PFKM: variants seen among roughly 807,000 people sequenced by gnomAD.
The protein encoded by PFKM is phosphofructokinase, muscle.
A neutral mutation model predicts 95.5 loss-of-function variants in PFKM; 58 were observed. That is an observed-to-expected ratio of 0.61 (90% CI 0.49 to 0.76). PFKM has a LOEUF of 0.76. Ranked by LOEUF, PFKM falls within the 30% of genes least tolerant of loss-of-function variation. The probability of loss-of-function intolerance (pLI) is 0.00; values close to 1 mark genes in which losing one functional copy is unlikely to be tolerated. For synonymous variants in PFKM, 336 were observed against 357.2 expected (o/e 0.94, Z 0.67); for missense variants, 678 against 1,005.4 (o/e 0.67, Z 4.40).
At chr12:48,118,538 A>G (rs1207315579), upstream of PFKM, 2 of 1,525,510 alleles carry the variant, frequency 1.3e-6, no homozygotes, top group Non-Finnish European at 1.8e-6. Flanking sequence ...GGTAAAAGCA[A>G]GAGGAGACCC....
chr12:48,106,092 C>G (rs1417517091), exon 1 of PFKM: 2 of 702,636 alleles, frequency 2.8e-6, no homozygotes, highest in Non-Finnish European at 5.2e-6. Flanking sequence ...AACCCGGGAA[C>G]CGCCGCGAAC....
chr12:48,139,982 C>T, intron 13 of PFKM, 70 bp downstream of exon 13: 1 of 1,003,904 alleles, frequency 1.0e-6, no homozygotes, highest in Non-Finnish European at 1.6e-6. Context: ...ATAAATGCTA[C>T]CACAGTCCAT....
chr12:48,134,389 C>A, intron 7 of PFKM, 113 bp downstream of exon 7: 2 of 911,046 alleles, frequency 2.2e-6, no homozygotes, highest in Non-Finnish European at 1.8e-6. Context: ...GGTGCACATG[C>A]TCCTTGTGGT....
rs761389175 is a variant in PFKM at position 48,141,751 on chromosome 12, A to G, written c.1424A>G (p.Lys475Arg). Residue 475 changes from lysine to arginine, a missense_variant, in exon 16 of 23, where the codon AAG (lysine) becomes AGG (arginine). Lys to Arg is a conservative substitution (Grantham distance 26). Coordinates refer to ENST00000359794, the MANE Select transcript of PFKM (RefSeq NM_000289.6). ...CACTGATCAACTAGGACTCTACCCA[A>G]GAAGAGCTTTGAACAGATCAGTGCC... The part of the protein sequence containing the change: ...SKLGTKRTLP[K>R]KSFEQISANI... 6.2e-7 allele frequency: 1 copy of G among 1,611,600 alleles called. No homozygotes were observed. The highest frequency in any genetic ancestry group is 1.1e-5 in the South Asian group (1 of 91,026).
chr12:48,134,680 G>A, intron 7 of PFKM, 41 bp from the exon 8 acceptor site: 1 of 1,352,426 alleles, frequency 7.4e-7, no homozygotes, highest in African/African-American at 1.4e-5. Context: ...GCTATTTGTA[G>A]AGTACAACTT....
At chr12:48,133,794 G>A (rs1222434982) in intron 6 of PFKM, among the ~76,000 whole-genome samples, 2 of 152,140 alleles carry the variant, frequency 1.3e-5, no homozygotes, top group Admixed American at 6.5e-5. Context: ...CATGAGCTAC[G>A]CTTTCCAACC....
At chr12:48,106,335 C>T in intron 1 of PFKM, 1 of 558,776 alleles carries the variant, frequency 1.8e-6, no homozygotes, top group Non-Finnish European at 3.2e-6. Context: ...TCGTCCTATG[C>T]TTTTCTCTGT....
intron 3 of PFKM, chr12:48,108,202 A>G (rs1946872385): frequency 1.3e-6 from 2 of 1,597,224 alleles, no homozygotes; most frequent in Non-Finnish European, 1.7e-6. Context: ...CTGGTGAGGC[A>G]TGTGGGTCAA....
chr12:48,108,552 T>C (rs1408112349), intron 3 of PFKM, among the ~76,000 whole-genome samples: 2 of 152,226 alleles, frequency 1.3e-5, no homozygotes, highest in Non-Finnish European at 2.9e-5. Context: ...TATATAAATA[T>C]GTGAAACTTA....
chr12:48,106,145 A>T, intron 1 of PFKM: 5 of 702,348 alleles, frequency 7.1e-6, no homozygotes, highest in South Asian at 1.5e-5. Flanking sequence ...TAGGTGGCTG[A>T]AGAGGAGGGG....
chr12:48,107,935 G>A (rs940889894), intron 2 of PFKM: 9 of 722,648 alleles, frequency 1.2e-5, no homozygotes, highest in African/African-American at 5.3e-5. Flanking sequence ...GAGGTACATC[G>A]CGTCTCTAAT....
In PFKM at chr12:48,122,831, T is replaced by C; in HGVS notation, c.57T>C (p.Ala19=). The stretch of plus-strand genomic sequence containing the variant: ...CCCTGGGGATTGGCAAAGCCATTGC[T>C]GTCTTAACCTCTGGTGGAGATGCCC... ...AKTLGIGKAI[A]VLTSGGDAQG... Residue 19 remains alanine, a synonymous_variant, in exon 2 of 23, where the codon GCT becomes GCC. Transcript: ENST00000359794. 2 of 1,614,138 alleles carry C rather than the reference T, an allele frequency of 1.2e-6. No individual in the cohort carries two copies. Among genetic ancestry groups the C allele is most frequent in the South Asian group, 1.1e-5 (1 of 91,088 alleles).
intron 2 of PFKM, among the ~76,000 whole-genome samples, chr12:48,107,755 C>T (rs2137509768): frequency 6.6e-6 from 1 of 152,272 alleles, no homozygotes; most frequent in Non-Finnish European, 1.5e-5. Flanking sequence ...ATTACTTCGA[C>T]CAGTCTGGGC....
intron 1 of PFKM, among the ~76,000 whole-genome samples, chr12:48,121,280 A>T (rs571152481): frequency 1.3e-5 from 2 of 152,362 alleles, no homozygotes; most frequent in South Asian, 4.1e-4. Context: ...AAGTGGGAAG[A>T]GCAAAGTAAT....
Position 48,132,962 on chromosome 12 carries a change from C to T in PFKM, c.332C>T (p.Thr111Ile), listed in dbSNP as rs757730988. 1 of 1,614,194 alleles carries T rather than the reference C, an allele frequency of 6.2e-7. No individual in the cohort carries two copies. The highest frequency in any genetic ancestry group is 8.5e-7 in the Non-Finnish European group (1 of 1,180,022). Residue 111 changes from threonine (T) to isoleucine (I), a missense_variant, in exon 5 of 23, where the codon ACC becomes ATC. Coordinates refer to ENST00000359794, the MANE Select transcript of PFKM (RefSeq NM_000289.6). The stretch of plus-strand genomic sequence containing the variant: ...TACAACCTGGTGAAGCGTGGGATCA[C>T]CAATCTCTGTGTCATTGGGGGTGAT... ...AAYNLVKRGI[T>I]NLCVIGGDGS...
chr12:48,136,600 C>T (rs1950107049), intron 10 of PFKM, among the ~76,000 whole-genome samples: 1 of 151,452 alleles, frequency 6.6e-6, no homozygotes, highest in South Asian at 2.1e-4. Context: ...AAAGATACTG[C>T]CCAACTGTTT....
At chr12:48,143,434 C>T (rs760391564) in intron 18 of PFKM, among the ~76,000 whole-genome samples, 14 of 152,136 alleles carry the variant, frequency 9.2e-5, no homozygotes, top group Non-Finnish European at 1.8e-4. Flanking sequence ...GACACTGTGA[C>T]CACAAGTCAG....
chr12:48,119,182 C>A, upstream of PFKM: 1 of 652,874 alleles, frequency 1.5e-6, no homozygotes, highest in Non-Finnish European at 1.9e-6. Flanking sequence ...GCTGCCATAT[C>A]TGAGCTGAGT....
chr12:48,123,503 C>T (rs1407800760), intron 2 of PFKM, among the ~76,000 whole-genome samples: 3 of 151,118 alleles, frequency 2.0e-5, no homozygotes, highest in East Asian at 1.9e-4. Context: ...ATAGGAAACA[C>T]GGAGTGGGAG....
Sources: allele counts gnomAD v4.1 joint callset (sites outside exome capture counted in the v4.1 genomes callset), GRCh38; gene constraint gnomAD v4.1.1; transcripts MANE v1.5; gene names NCBI Gene and HGNC (gene_info 2026-07-23, HGNC 2026-07-21).